Variants in NALF1 observed in about 807,000 individuals in gnomAD.
NALF1 encodes the protein family with sequence similarity 155 member A.
Under a neutral mutation model 48.4 loss-of-function variants are expected in NALF1, and 3 were observed. The observed-to-expected ratio is 0.06, with a 90% CI of 0.03 to 0.16. NALF1 has a LOEUF of 0.16. Among genes scored for constraint, NALF1 ranks in the 10% least tolerant of loss-of-function variants. The pLI is 1.00. For missense variants in NALF1, 526 were observed against 571.5 expected, an observed-to-expected ratio of 0.92 and a Z score of 0.81; for synonymous variants, 262 against 245.7, an observed-to-expected ratio of 1.07 and a Z score of -0.62.
At chr13:107,535,139 G>C (rs554429512) in intron 1 of NALF1, among the ~76,000 whole-genome samples, 7 of 152,092 alleles carry the variant, frequency 4.6e-5, no homozygotes, top group African/African-American at 1.7e-4. Flanking sequence ...GGGACAATTT[G>C]ACTTCCTCTT....
chr13:107,600,247 T>C (rs1288310333), intron 1 of NALF1, among the ~76,000 whole-genome samples: 1 of 152,186 alleles, frequency 6.6e-6, no homozygotes, highest in Non-Finnish European at 1.5e-5. Flanking sequence ...ATCTAGGTAA[T>C]GTGATAGTAT....
chr13:107,745,035 T>C (rs1876747345), intron 1 of NALF1, among the ~76,000 whole-genome samples: 1 of 152,202 alleles, frequency 6.6e-6, no homozygotes, highest in Non-Finnish European at 1.5e-5. Context: ...GTTAGAACTA[T>C]TGTCAATTTG....
At chr13:107,781,655 G>C (rs1241499897) in intron 1 of NALF1, among the ~76,000 whole-genome samples, 1 of 151,374 alleles carries the variant, frequency 6.6e-6, no homozygotes, top group Non-Finnish European at 1.5e-5. Context: ...CAGCTTACTA[G>C]ATCACATTAG....
rs1172185458 is a variant in NALF1, at chr13:107,459,997, C to T, written c.916-249242G>A. On this transcript the variant is annotated intron_variant, in intron 1 of 2. Transcript: ENST00000375915. The stretch of plus-strand genomic sequence containing the variant: ...GTTCAAGGGAGACGCCATCCTTGGC[C>T]TTCCGAAGTGCTGGGATTATAGGCA... Among the ~76,000 whole-genome samples, 3 of 152,172 alleles carry T rather than the reference C, an allele frequency of 2.0e-5. No homozygotes were observed. In the East Asian group the frequency reaches 5.8e-4, roughly 29 times the overall value.
At chr13:107,308,482 G>T (rs760568530) in intron 1 of NALF1, among the ~76,000 whole-genome samples, 5 of 152,148 alleles carry the variant, frequency 3.3e-5, no homozygotes, top group Non-Finnish European at 5.9e-5. Flanking sequence ...GATTACAGGC[G>T]TGAGTATCTA....
chr13:107,345,408 T>C lies in NALF1; in HGVS notation c.916-134653A>G, dbSNP rs567665800. Among the ~76,000 whole-genome samples the C allele has an allele frequency of 7.9e-5, 12 of 152,194 alleles. No individual in the cohort carries two copies. In the South Asian group the frequency reaches 1.9e-3, roughly 24 times the overall value. On this transcript the variant is annotated intron_variant, in intron 1 of 2. Coordinates refer to ENST00000375915, the MANE Select transcript of NALF1 (RefSeq NM_001080396.3). ...TCACACTTTCTGATTTTGAAACACATTGCAAATTAAGAGTAATTAAAAGGG... is the reference window on the plus strand; with the variant it reads ...TCACACTTTCTGATTTTGAAACACACTGCAAATTAAGAGTAATTAAAAGGG...
At chr13:107,763,858 C>T (rs1180800574) in intron 1 of NALF1, among the ~76,000 whole-genome samples, 1 of 152,090 alleles carries the variant, frequency 6.6e-6, no homozygotes, top group African/African-American at 2.4e-5. Flanking sequence ...GTCTACCGTA[C>T]CTAATCACAA....
At chr13:107,388,840 T>TA (rs796979119) in intron 1 of NALF1, among the ~76,000 whole-genome samples, 1,562 of 146,128 alleles carry the variant, frequency 0.011, 27 homozygotes, top group African/African-American at 0.036. Flanking sequence ...TCCAGTCAAT[T>TA]AAAAAAAAAA....
intron 1 of NALF1, among the ~76,000 whole-genome samples, chr13:107,657,086 T>C (rs955626390): frequency 1.3e-5 from 2 of 152,028 alleles, no homozygotes; most frequent in Non-Finnish European, 2.9e-5. Context: ...GCTCAGGTGA[T>C]GGGTGCACCA....
At chr13:107,247,708 A>T (rs1880611907) in intron 1 of NALF1, among the ~76,000 whole-genome samples, 1 of 152,218 alleles carries the variant, frequency 6.6e-6, no homozygotes, top group African/African-American at 2.4e-5. Context: ...AATGTAGCAA[A>T]CAGAAAGTAA....
intron 1 of NALF1, among the ~76,000 whole-genome samples, chr13:107,659,875 A>G (rs2138475687): frequency 1.3e-5 from 2 of 151,322 alleles, no homozygotes; most frequent in South Asian, 2.1e-4. Context: ...CAGTGGTGCA[A>G]TCTCAGCCAC....
In NALF1 at chr13:107,285,761, T is replaced by A. The variant is rs1881480760; in HGVS notation, c.916-75006A>T. ...TCAAGTGAATGAAATCTAGAGAAAC[T>A]TCATGAAAAAGAATAAGCAAAGCTG... On this transcript the variant is annotated intron_variant, in intron 1 of 2. Coordinates refer to ENST00000375915, the MANE Select transcript of NALF1 (RefSeq NM_001080396.3). Among the ~76,000 whole-genome samples the A allele has an allele frequency of 2.6e-5, 4 of 151,926 alleles. 1 individual carries two copies. In the Middle Eastern group the frequency reaches 0.014, roughly 520 times the overall value.
At chr13:107,662,182 T>C (rs1398880635) in intron 1 of NALF1, among the ~76,000 whole-genome samples, 2 of 152,180 alleles carry the variant, frequency 1.3e-5, no homozygotes, top group Non-Finnish European at 2.9e-5. Context: ...ACCACTCTTC[T>C]CCTTCCCTTG....
chr13:107,536,455 G>A (rs1876814732), intron 1 of NALF1, among the ~76,000 whole-genome samples: 1 of 152,184 alleles, frequency 6.6e-6, no homozygotes. Context: ...AGACATTTAT[G>A]CAGCCAAAAG....
intron 1 of NALF1, among the ~76,000 whole-genome samples, chr13:107,769,851 C>G (rs1877527755): frequency 6.6e-6 from 1 of 152,154 alleles, no homozygotes; most frequent in South Asian, 2.1e-4. Context: ...TTAGAGAATT[C>G]CATCAATATA....
intron 1 of NALF1, among the ~76,000 whole-genome samples, chr13:107,228,703 T>A (rs1425961908): frequency 6.6e-6 from 1 of 152,154 alleles, no homozygotes; most frequent in African/African-American, 2.4e-5. Context: ...CACTGCAACC[T>A]CCGCCTCCCG....
chr13:107,719,569 A>AC (rs1484566220), intron 1 of NALF1, among the ~76,000 whole-genome samples: 8 of 152,048 alleles, frequency 5.3e-5, no homozygotes, highest in Non-Finnish European at 1.0e-4. Flanking sequence ...TTGGACATCT[A>AC]TAGTAGATGT....
intron 1 of NALF1, among the ~76,000 whole-genome samples, chr13:107,639,693 A>G (rs1295434320): frequency 6.6e-6 from 1 of 151,708 alleles, no homozygotes; most frequent in Non-Finnish European, 1.5e-5. Flanking sequence ...AATCACTAGC[A>G]CTAAACAAAC....
chr13:107,411,624 T>C (rs1437431627), intron 1 of NALF1, among the ~76,000 whole-genome samples: 4 of 152,136 alleles, frequency 2.6e-5, no homozygotes, highest in African/African-American at 9.7e-5. Flanking sequence ...CATGCTTCAC[T>C]ACAGCAAGCA....
Sources: gnomAD v4.1 joint callset for allele counts (sites outside exome capture counted in the v4.1 genomes callset) on GRCh38, gnomAD v4.1.1 for gene constraint, MANE v1.5 for transcripts, NCBI Gene and HGNC (gene_info 2026-07-23, HGNC 2026-07-21) for gene names.